The following GOLGA1 variants were observed in gnomAD, a reference collection of about 807,000 sequenced individuals.
GOLGA1 encodes the protein golgin A1.
GOLGA1 carries 63 observed loss-of-function variants against 119.7 expected under a neutral mutation model. The ratio of observed to expected loss-of-function variants is 0.53; its 90% CI spans 0.43 to 0.65. The LOEUF (loss-of-function observed/expected upper bound fraction) is 0.65, where lower values mean the gene tolerates loss of function less well. Among genes scored for constraint, GOLGA1 ranks in the 30% least tolerant of loss-of-function variants. The pLI is 0.00. For missense variants in GOLGA1, 798 were observed against 912.8 expected, an observed-to-expected ratio of 0.87 and a Z score of 1.62; for synonymous variants, 318 against 333.4, an observed-to-expected ratio of 0.95 and a Z score of 0.50.
chr9:124,937,885 C>T (rs1185715041), intron 3 of GOLGA1, among the ~76,000 whole-genome samples: 1 of 151,830 alleles, frequency 6.6e-6, no homozygotes, highest in Non-Finnish European at 1.5e-5. Context: ...GAGTTTGAGA[C>T]CACCCTGGGC....
chr9:124,903,618 AC>A (rs1214452731), intron 12 of GOLGA1, among the ~76,000 whole-genome samples: 7 of 137,396 alleles, frequency 5.1e-5, no homozygotes, highest in African/African-American at 1.6e-4. Flanking sequence ...ACATAGGGAG[AC>A]CCTGTTCTCC....
At chr9:124,882,406 G>T in intron 20 of GOLGA1, 104 bp downstream of exon 20, 1 of 789,992 alleles carries the variant, frequency 1.3e-6, no homozygotes, top group Non-Finnish European at 2.1e-6. Context: ...ATTAATTAGG[G>T]GGTGGAGGGA....
rs992252834 is a variant in GOLGA1 at position 124,880,213 on chromosome 9, AGCTGTAAGT to A, written c.*308_*316del. ...GTGCCTGCCAGATGCTGATGGCTTC[AGCTGTAAGT>A]GCTACCGTGAAGTTAGAGGATTCAG... On this transcript the variant is annotated 3_prime_UTR_variant, in exon 23 of 23. Coordinates refer to ENST00000373555, the MANE Select transcript of GOLGA1 (RefSeq NM_002077.4). 4 of 227,466 alleles carry A rather than the reference AGCTGTAAGT, an allele frequency of 1.8e-5. No homozygotes were observed. The highest frequency in any genetic ancestry group is 3.6e-5 in the Non-Finnish European group (4 of 111,336). The allele number at this position is 227,466 out of a possible 1,614,324, so 14.1% of individuals were successfully genotyped here.
chr9:124,911,934 T>C lies in GOLGA1; in HGVS notation c.936A>G (p.Ser312=). ...SLEKRLEQNL[S]GEEHLQELLK... ...GGAGTTCTTGCAAGTGTTCTTCTCC[T>C]GATAAGTTCTGTTCTAGTCTCTTCT... The change falls in exon 11 of 23, where the codon TCA becomes TCG. Residue 312 remains serine (S), a synonymous_variant. Transcript: ENST00000373555. 1 of 1,611,284 alleles carries C rather than the reference T, an allele frequency of 6.2e-7. No homozygotes were observed. Among genetic ancestry groups the C allele is most frequent in the Non-Finnish European group, 8.5e-7 (1 of 1,177,388 alleles).
At chr9:124,914,380 A>G (rs1030993341) in intron 10 of GOLGA1, among the ~76,000 whole-genome samples, 1 of 152,216 alleles carries the variant, frequency 6.6e-6, no homozygotes, top group African/African-American at 2.4e-5. Context: ...AGGCGCCTGT[A>G]GTCCCAGCTA....
In GOLGA1 at chr9:124,938,688, T is replaced by C. The variant is rs1291915199; in HGVS notation, c.24A>G (p.Lys8=). The change falls in exon 3 of 23, where the codon AAA becomes AAG. Residue 8 remains lysine, a synonymous_variant. Transcript: ENST00000373555. MFAKLKK[K]IAEETAVAQR... is the part of the protein sequence containing the mutation. ...GAGCAACAGCAGTCTCTTCTGCAAT[T>C]TTCTTCTTCAGTTTTGCAAACATGT... is the stretch of plus-strand genomic sequence containing the variant. 1.2e-6 allele frequency: 2 copies of C among 1,613,658 alleles called. No homozygotes were observed. Among genetic ancestry groups the C allele is most frequent in the Non-Finnish European group, 1.7e-6 (2 of 1,179,772 alleles).
chr9:124,911,963 A>C lies in GOLGA1; in HGVS notation c.907T>G (p.Leu303Val), dbSNP rs745492044. 5.6e-6 allele frequency: 9 copies of C among 1,610,712 alleles called. No individual in the cohort carries two copies. In the East Asian group the frequency reaches 1.8e-4, roughly 32 times the overall value. Residue 303 changes from leucine (L) to valine (V), a missense_variant, in exon 11 of 23, where the codon TTG (leucine) becomes GTG (valine). Physicochemically the swap from Leu to Val is conservative, Grantham distance 32. Coordinates refer to ENST00000373555, the MANE Select transcript of GOLGA1 (RefSeq NM_002077.4). Reference sequence around the variant, plus strand: ...AAGTTCTGTTCTAGTCTCTTCTCCAAGGATGCAACCTTCTCTTGCAAATGT... The same window carrying C: ...AAGTTCTGTTCTAGTCTCTTCTCCACGGATGCAACCTTCTCTTGCAAATGT... Reference protein sequence around the residue: ...ITHLQEKVASLEKRLEQNLSG... With the variant: ...ITHLQEKVASVEKRLEQNLSG...
At position 124,921,744 on chromosome 9, in the gene GOLGA1, T is replaced by C; in HGVS notation, c.710A>G (p.Tyr237Cys). 1.2e-6 allele frequency: 2 copies of C among 1,613,814 alleles called. No individual in the cohort carries two copies. Among genetic ancestry groups the C allele is most frequent in the Non-Finnish European group, 1.7e-6 (2 of 1,179,766 alleles). ...SQKLEELQRHYSTLEEQRDHV... is the reference protein window; with the variant it reads ...SQKLEELQRHCSTLEEQRDHV... ...GAACCTCTGCTCTTCCAGCGTTGAGTAGTGTCTCTGCAATTCTTCTAGCTT... is the reference window on the plus strand; with the variant it reads ...GAACCTCTGCTCTTCCAGCGTTGAGCAGTGTCTCTGCAATTCTTCTAGCTT... Residue 237 changes from tyrosine to cysteine, a missense_variant, in exon 9 of 23, where the codon TAC becomes TGC. By Grantham distance (194) the Tyr-to-Cys change is radical. Coordinates refer to ENST00000373555, the MANE Select transcript of GOLGA1 (RefSeq NM_002077.4).
At chr9:124,900,934 T>A (rs1471842732) in intron 12 of GOLGA1, among the ~76,000 whole-genome samples, 2 of 152,026 alleles carry the variant, frequency 1.3e-5, no homozygotes, top group Non-Finnish European at 2.9e-5. Flanking sequence ...GTTTTTCCCA[T>A]CTAAAAGAAT....
At chr9:124,895,912 ATCCACAACAGAGACCC>A (rs979774235) in intron 15 of GOLGA1, among the ~76,000 whole-genome samples, 6 of 136,950 alleles carry the variant, frequency 4.4e-5, no homozygotes, top group African/African-American at 1.5e-4. Flanking sequence ...ACAGAGAACC[ATCCACAACAGAGACCC>A]TCCACAACAG....
intron 22 of GOLGA1, 66 bp from the exon 23 acceptor site, chr9:124,880,676 G>C: frequency 1.0e-6 from 1 of 959,138 alleles, no homozygotes. Flanking sequence ...AAACTGAACC[G>C]CCCCTCCCCT....
In GOLGA1 at chr9:124,888,183, C is replaced by G; in HGVS notation, c.1905+70G>C. On this transcript the variant is annotated intron_variant, in intron 19 of 22. Coordinates refer to ENST00000373555, the MANE Select transcript of GOLGA1 (RefSeq NM_002077.4). The surrounding 1 kb of genome is among the most constrained non-coding windows in gnomAD (Gnocchi z 4.4). ...AACCACAAAAACCTCCAAGGATGGA[C>G]TGGGTCATTTTAGGCCTGAGGGTGA... 1 of 1,436,462 alleles carries G rather than the reference C, an allele frequency of 7.0e-7. No homozygotes were observed. The highest frequency in any genetic ancestry group is 9.8e-7 in the Non-Finnish European group (1 of 1,022,636). The allele number at this position is 1,436,462 out of a possible 1,614,324, so 89.0% of individuals were successfully genotyped here.
intron 7 of GOLGA1, 45 bp from the exon 8 acceptor site, chr9:124,923,268 G>A: frequency 6.7e-7 from 1 of 1,487,494 alleles, no homozygotes; most frequent in Non-Finnish European, 9.2e-7. Flanking sequence ...GAAAGCATTA[G>A]AAATCTGTAT....
At chr9:124,940,275 G>A (rs1315260223) in intron 1 of GOLGA1, 120 bp from the exon 2 acceptor site, 9 of 152,126 alleles carry the variant, frequency 5.9e-5, no homozygotes, top group Admixed American at 3.9e-4. Context: ...GGATTAAAGG[G>A]GGTAAGAAAA....
At chr9:124,909,715 T>C (rs1439660650) in intron 11 of GOLGA1, among the ~76,000 whole-genome samples, 4 of 152,200 alleles carry the variant, frequency 2.6e-5, no homozygotes, top group East Asian at 1.9e-4. Flanking sequence ...GCTCCAAGCC[T>C]AAGGAAATCA....
intron 15 of GOLGA1, among the ~76,000 whole-genome samples, chr9:124,892,446 C>T (rs1396433874): frequency 1.3e-5 from 2 of 152,026 alleles, no homozygotes; most frequent in South Asian, 4.1e-4. Flanking sequence ...AATTTTGATC[C>T]ACAGTATTTA....
At chr9:124,885,727 A>G (rs1486307665) in intron 19 of GOLGA1, among the ~76,000 whole-genome samples, 1 of 151,904 alleles carries the variant, frequency 6.6e-6, no homozygotes, top group Non-Finnish European at 1.5e-5. Context: ...GCTGAGAGGG[A>G]GTGACGAGGA....
At chr9:124,916,919 A>C (rs1588084208) in intron 10 of GOLGA1, among the ~76,000 whole-genome samples, 2 of 150,342 alleles carry the variant, frequency 1.3e-5, no homozygotes, top group African/African-American at 2.4e-5. Context: ...CAAAAAAAAA[A>C]CCCACCATCG....
intron 10 of GOLGA1, among the ~76,000 whole-genome samples, chr9:124,917,872 G>C (rs1467764449): frequency 6.6e-6 from 1 of 151,434 alleles, no homozygotes; most frequent in Admixed American, 6.6e-5. Context: ...TTTTTTTTGA[G>C]ACGGAGTTTC....
Sources: allele counts gnomAD v4.1 joint callset (sites outside exome capture counted in the v4.1 genomes callset), GRCh38; gene constraint gnomAD v4.1.1; non-coding constraint Gnocchi (gnomAD v3.1); transcripts MANE v1.5; gene names NCBI Gene and HGNC (gene_info 2026-07-23, HGNC 2026-07-21).